PDE4B: variants seen among roughly 807,000 people sequenced by gnomAD.
The protein encoded by PDE4B is 3',5'-cyclic-AMP phosphodiesterase 4B.
A neutral mutation model predicts 82.2 loss-of-function variants in PDE4B; 20 were observed. That is an observed-to-expected ratio of 0.24 (90% CI 0.17 to 0.35). The LOEUF (loss-of-function observed/expected upper bound fraction) is 0.35. Among genes scored for constraint, PDE4B ranks in the 10% least tolerant of loss-of-function variants. The probability of loss-of-function intolerance (pLI) is 1.00; values close to 1 mark genes in which losing one functional copy is unlikely to be tolerated. For synonymous variants in PDE4B, 320 were observed against 318.9 expected, an observed-to-expected ratio of 1.00 and a Z score of -0.04; for missense variants, 655 against 907.2, an observed-to-expected ratio of 0.72 and a Z score of 3.57.
chr1:66,164,667 C>T (rs911954514), intron 3 of PDE4B, among the ~76,000 whole-genome samples: 13 of 150,320 alleles, frequency 8.6e-5, no homozygotes, highest in East Asian at 1.9e-4. Flanking sequence ...AACTTAAATT[C>T]GAGCCCTGAC....
At chr1:66,299,095 T>C (rs553941036) in intron 7 of PDE4B, among the ~76,000 whole-genome samples, 1 of 152,246 alleles carries the variant, frequency 6.6e-6, no homozygotes, top group African/African-American at 2.4e-5. Context: ...CAAAATCCTC[T>C]CTTCTAGCTT....
chr1:66,197,842 G>A (rs1648465663), intron 3 of PDE4B, among the ~76,000 whole-genome samples: 1 of 151,780 alleles, frequency 6.6e-6, no homozygotes. Flanking sequence ...TTGAGAGAGA[G>A]AAAAAAAAGA....
intron 1 of PDE4B, among the ~76,000 whole-genome samples, chr1:65,842,783 G>A (rs543210336): frequency 1.6e-4 from 24 of 152,248 alleles, no homozygotes; most frequent in Admixed American, 3.9e-4. Flanking sequence ...ATATACATGC[G>A]TGTGTATTTA....
intron 1 of PDE4B, among the ~76,000 whole-genome samples, chr1:65,874,053 G>A (rs1244292477): frequency 6.6e-6 from 1 of 151,700 alleles, no homozygotes; most frequent in Admixed American, 6.6e-5. Flanking sequence ...CCATGAGCAC[G>A]GAATGTTCTT....
chr1:66,237,586 G>T (rs1000059667), intron 3 of PDE4B, among the ~76,000 whole-genome samples: 8 of 152,178 alleles, frequency 5.3e-5, no homozygotes, highest in African/African-American at 1.7e-4. Flanking sequence ...CTCATTTTCT[G>T]AAATAAATGC....
intron 1 of PDE4B, among the ~76,000 whole-genome samples, chr1:65,807,275 T>C (rs1266609045): frequency 1.3e-5 from 2 of 152,214 alleles, no homozygotes; most frequent in East Asian, 3.8e-4. Context: ...TTCACAATTA[T>C]ATTATACACA....
intron 3 of PDE4B, among the ~76,000 whole-genome samples, chr1:66,098,878 C>T (rs1479255150): frequency 3.9e-5 from 6 of 152,084 alleles, no homozygotes; most frequent in Admixed American, 3.9e-4. Context: ...AAACATCACA[C>T]CTTCTGGTAA....
At chr1:66,166,733 CAAAAA>C (rs903951141) in intron 3 of PDE4B, among the ~76,000 whole-genome samples, 1 of 60,664 alleles carries the variant, frequency 1.6e-5, no homozygotes. Flanking sequence ...GACTCTGTCT[CAAAAA>C]AAAAAAAAAA....
At chr1:66,105,177 C>T (rs1356686532) in intron 3 of PDE4B, among the ~76,000 whole-genome samples, 4 of 149,834 alleles carry the variant, frequency 2.7e-5, no homozygotes, top group Non-Finnish European at 5.9e-5. Flanking sequence ...GTTTTCCCAG[C>T]ACCATTTATT....
chr1:65,836,820 T>C (rs1408717860), intron 1 of PDE4B, among the ~76,000 whole-genome samples: 2 of 152,290 alleles, frequency 1.3e-5, no homozygotes, highest in East Asian at 3.9e-4. Context: ...AGGAAGGGTG[T>C]TGGATCTTCA....
intron 3 of PDE4B, among the ~76,000 whole-genome samples, chr1:66,244,756 C>T (rs1009384368): frequency 2.7e-4 from 41 of 152,122 alleles, no homozygotes; most frequent in African/African-American, 8.2e-4. Flanking sequence ...TCCCTGGCTT[C>T]GTTTAAATTC....
At chr1:66,268,617 G>A (rs535475811) in intron 7 of PDE4B, among the ~76,000 whole-genome samples, 10 of 128,888 alleles carry the variant, frequency 7.8e-5, no homozygotes, top group African/African-American at 2.8e-4. Context: ...GCAGTGAGCC[G>A]AGATCGCACC....
chr1:66,016,179 T>C (rs1289596472), intron 3 of PDE4B, among the ~76,000 whole-genome samples: 1 of 152,178 alleles, frequency 6.6e-6, no homozygotes, highest in Non-Finnish European at 1.5e-5. Context: ...ATTAAGTGAG[T>C]TAATACCTTT....
intron 7 of PDE4B, among the ~76,000 whole-genome samples, chr1:66,270,082 T>C (rs1655354305): frequency 6.6e-6 from 1 of 152,152 alleles, no homozygotes; most frequent in South Asian, 2.1e-4. Context: ...AGCACCAAGA[T>C]GACTAGGGAA....
At chr1:66,177,536 G>A (rs1356179012) in intron 3 of PDE4B, among the ~76,000 whole-genome samples, 2 of 152,190 alleles carry the variant, frequency 1.3e-5, no homozygotes, top group African/African-American at 4.8e-5. Flanking sequence ...TGTCCTGAAG[G>A]AAGATTTTAT....
At chr1:65,800,814 G>A (rs1645686365) in intron 1 of PDE4B, among the ~76,000 whole-genome samples, 2 of 152,064 alleles carry the variant, frequency 1.3e-5, no homozygotes, top group African/African-American at 4.8e-5. Context: ...CAACTATATG[G>A]GTATAGCACA....
intron 3 of PDE4B, among the ~76,000 whole-genome samples, chr1:65,966,512 A>C (rs1397063653): frequency 6.6e-6 from 1 of 152,202 alleles, no homozygotes; most frequent in Admixed American, 6.5e-5. Flanking sequence ...CCATCAAGCT[A>C]CCAGTGACTT....
intron 3 of PDE4B, among the ~76,000 whole-genome samples, chr1:66,005,542 A>G (rs1036370149): frequency 6.6e-6 from 1 of 152,150 alleles, no homozygotes; most frequent in Non-Finnish European, 1.5e-5. Flanking sequence ...GGCAGGAAAA[A>G]GTTATATCTT....
intron 3 of PDE4B, among the ~76,000 whole-genome samples, chr1:66,114,305 A>G (rs1604268): frequency 0.052 from 7,892 of 152,246 alleles, 534 homozygotes; most frequent in East Asian, 0.3. Flanking sequence ...ATTTTGTCAT[A>G]GTTACCTGAA....
Sources: gnomAD v4.1 joint callset for allele counts (sites outside exome capture counted in the v4.1 genomes callset) on GRCh38, gnomAD v4.1.1 for gene constraint, MANE v1.5 for transcripts, NCBI Gene and HGNC (gene_info 2026-07-23, HGNC 2026-07-21) for gene names.